LRFN2: variants seen among roughly 807,000 people sequenced by gnomAD.
LRFN2 encodes the protein leucine rich repeat and fibronectin type III domain containing 2.
LRFN2 carries 18 observed loss-of-function variants against 37.3 expected under a neutral mutation model. That is an observed-to-expected ratio of 0.48 (90% confidence interval 0.33 to 0.72). The LOEUF is 0.72. Among genes scored for constraint, LRFN2 ranks in the 30% least tolerant of loss-of-function variants. LRFN2 has a pLI of 0.02. For synonymous variants in LRFN2, 556 were observed against 466.6 expected (o/e 1.19, Z -2.47); for missense variants, 1,006 against 1,060.7 (o/e 0.95, Z 0.72).
At chr6:40,422,953 G>C (rs889996578) in intron 2 of LRFN2, among the ~76,000 whole-genome samples, 1 of 152,194 alleles carries the variant, frequency 6.6e-6, no homozygotes, top group Non-Finnish European at 1.5e-5. Context: ...TCCAGCCACA[G>C]CTTTTGGAAA....
intron 1 of LRFN2, among the ~76,000 whole-genome samples, chr6:40,567,082 TAA>T (rs10539412): frequency 0.41 from 62,107 of 151,578 alleles, 13,053 homozygotes; most frequent in Middle Eastern, 0.56. Flanking sequence ...GAAACAGTTT[TAA>T]AGAGAGGAGA....
At chr6:40,403,341 G>T (rs1762779734) in intron 2 of LRFN2, among the ~76,000 whole-genome samples, 1 of 152,154 alleles carries the variant, frequency 6.6e-6, no homozygotes, top group African/African-American at 2.4e-5. Context: ...GCTCTTTAGA[G>T]TGGGACGATC....
chr6:40,454,009 T>A (rs1764180536), intron 1 of LRFN2, among the ~76,000 whole-genome samples: 1 of 152,202 alleles, frequency 6.6e-6, no homozygotes, highest in African/African-American at 2.4e-5. Context: ...CTCATCTTGC[T>A]AGGAATGACT....
chr6:40,419,171 C>G (rs1763162933), intron 2 of LRFN2, among the ~76,000 whole-genome samples: 1 of 152,204 alleles, frequency 6.6e-6, no homozygotes, highest in Non-Finnish European at 1.5e-5. Flanking sequence ...AATTATTGGT[C>G]CTGTTTCTTT....
chr6:40,515,325 T>C lies in LRFN2; in HGVS notation c.-19+71616A>G, dbSNP rs139987357. ...CCAGATTGGAAACTGTGTGCTGACC[T>C]GGTTCCTGAAAACAGCAGACCCAGG... On this transcript the variant is annotated intron_variant, in intron 1 of 2. Coordinates refer to ENST00000338305, the MANE Select transcript of LRFN2 (RefSeq NM_020737.3). 5.2e-3 allele frequency among the ~76,000 whole-genome samples: 786 copies of C among 152,322 alleles called. 5 individuals are homozygous for C. Among genetic ancestry groups the C allele is most frequent in the African/African-American group, 0.018 (744 of 41,568 alleles).
intron 1 of LRFN2, among the ~76,000 whole-genome samples, chr6:40,545,438 T>G (rs1766642353): frequency 6.6e-6 from 1 of 152,188 alleles, no homozygotes; most frequent in African/African-American, 2.4e-5. Context: ...GCACCAACGA[T>G]GGGTCATTGA....
intron 1 of LRFN2, among the ~76,000 whole-genome samples, chr6:40,529,596 T>C (rs984885255): frequency 6.6e-6 from 1 of 152,210 alleles, no homozygotes; most frequent in Non-Finnish European, 1.5e-5. Flanking sequence ...TGTCTGTGGA[T>C]TTAGATTATG....
At chr6:40,548,637 A>G (rs1231968967) in intron 1 of LRFN2, among the ~76,000 whole-genome samples, 2 of 152,158 alleles carry the variant, frequency 1.3e-5, no homozygotes. Flanking sequence ...TTGAGGCTCC[A>G]ACCAATGCAT....
At chr6:40,409,074 A>G (rs1261982476) in intron 2 of LRFN2, among the ~76,000 whole-genome samples, 11 of 152,188 alleles carry the variant, frequency 7.2e-5, no homozygotes, top group Admixed American at 7.2e-4. Context: ...TCTTCATCCT[A>G]TCATCCAGGA....
At chr6:40,409,269 C>G (rs561424119) in intron 2 of LRFN2, among the ~76,000 whole-genome samples, 13 of 152,274 alleles carry the variant, frequency 8.5e-5, no homozygotes, top group Non-Finnish European at 1.6e-4. Flanking sequence ...AAGAAGGAAC[C>G]TGTATCGACC....
At chr6:40,399,694 T>G (rs1762698533) in intron 2 of LRFN2, among the ~76,000 whole-genome samples, 4 of 151,792 alleles carry the variant, frequency 2.6e-5, no homozygotes, top group Admixed American at 2.6e-4. Flanking sequence ...CGCCTTGGCT[T>G]CCTAAAGTGC....
intron 2 of LRFN2, among the ~76,000 whole-genome samples, chr6:40,409,500 A>G (rs769526255): frequency 1.3e-5 from 2 of 152,206 alleles, no homozygotes; most frequent in Non-Finnish European, 2.9e-5. Flanking sequence ...AGAAGCCATG[A>G]TGATGTTTGC....
intron 1 of LRFN2, among the ~76,000 whole-genome samples, chr6:40,451,538 T>C (rs1044639707): frequency 1.3e-5 from 2 of 152,192 alleles, no homozygotes; most frequent in African/African-American, 2.4e-5. Context: ...TCTGGCCCCA[T>C]GGTGATTGAA....
At chr6:40,571,321 GA>G (rs1178316778) in intron 1 of LRFN2, among the ~76,000 whole-genome samples, 5 of 152,200 alleles carry the variant, frequency 3.3e-5, no homozygotes, top group Non-Finnish European at 7.3e-5. Context: ...ACACATTGAA[GA>G]ATTTCTTCTT....
intron 1 of LRFN2, among the ~76,000 whole-genome samples, chr6:40,569,734 C>G (rs1373860633): frequency 6.6e-6 from 1 of 152,180 alleles, no homozygotes; most frequent in African/African-American, 2.4e-5. Context: ...CAATTTCACT[C>G]GCAGTAATCC....
intron 1 of LRFN2, among the ~76,000 whole-genome samples, chr6:40,582,615 G>A (rs1427880114): frequency 1.3e-5 from 2 of 150,982 alleles, no homozygotes; most frequent in Non-Finnish European, 2.9e-5. Context: ...TCAAATCAAA[G>A]ATGCCCTGAT....
intron 2 of LRFN2, among the ~76,000 whole-genome samples, chr6:40,424,650 G>A (rs1478667279): frequency 3.3e-5 from 5 of 152,140 alleles, no homozygotes; most frequent in Non-Finnish European, 7.3e-5. Context: ...CCAAGGAGCT[G>A]CCTTTCCTCC....
At chr6:40,555,805 T>A (rs1192223495) in intron 1 of LRFN2, among the ~76,000 whole-genome samples, 1 of 152,050 alleles carries the variant, frequency 6.6e-6, no homozygotes, top group Non-Finnish European at 1.5e-5. Context: ...CAGCCCTCTC[T>A]ACCTTGCCTC....
chr6:40,470,995 C>T (rs990952178), intron 1 of LRFN2, among the ~76,000 whole-genome samples: 2 of 152,172 alleles, frequency 1.3e-5, no homozygotes, highest in Non-Finnish European at 1.5e-5. Context: ...TTGGGGACAG[C>T]AGGCTGAGAA....
Sources: gnomAD v4.1 joint callset for allele counts (sites outside exome capture counted in the v4.1 genomes callset) on GRCh38, gnomAD v4.1.1 for gene constraint, MANE v1.5 for transcripts, NCBI Gene and HGNC (gene_info 2026-07-23, HGNC 2026-07-21) for gene names.